The following PLCL1 variants were observed in gnomAD, a reference collection of about 807,000 sequenced individuals.
PLCL1 encodes inactive phospholipase C-like protein 1.
PLCL1 carries 41 observed loss-of-function variants against 84.4 expected under a neutral mutation model. The ratio of observed to expected loss-of-function variants is 0.49; its 90% confidence interval spans 0.38 to 0.63. PLCL1 has a LOEUF of 0.63. PLCL1 is among the 30% of genes least tolerant of loss of function. PLCL1 has a pLI of 0.00. For synonymous variants in PLCL1, 490 were observed against 488.3 expected (o/e 1.00, Z -0.05); for missense variants, 1,206 against 1,367.8 (o/e 0.88, Z 1.87).
intron 1 of PLCL1, among the ~76,000 whole-genome samples, chr2:197,815,705 G>A (rs1167995535): frequency 1.3e-5 from 2 of 152,088 alleles, no homozygotes; most frequent in Non-Finnish European, 2.9e-5. Flanking sequence ...ACATTAGCAG[G>A]AATTTGGAAG....
intron 5 of PLCL1, among the ~76,000 whole-genome samples, chr2:198,146,324 A>G (rs1559120548): frequency 6.6e-6 from 1 of 152,188 alleles, no homozygotes. Flanking sequence ...TACTTTACAG[A>G]AGACACTTTG....
chr2:197,864,167 C>G (rs540172723), intron 1 of PLCL1, among the ~76,000 whole-genome samples: 19 of 152,242 alleles, frequency 1.2e-4, no homozygotes, highest in African/African-American at 4.6e-4. Context: ...GACAATACCT[C>G]AATAAGGCAG....
intron 3 of PLCL1, 86 bp from the exon 4 acceptor site, chr2:198,101,199 C>T: frequency 1.3e-6 from 1 of 776,642 alleles, no homozygotes; most frequent in East Asian, 2.5e-5. Context: ...CTGGAGGTAT[C>T]ATGTGGGTCT....
intron 1 of PLCL1, among the ~76,000 whole-genome samples, chr2:197,970,951 A>G (rs1223619570): frequency 6.6e-6 from 1 of 152,236 alleles, no homozygotes; most frequent in African/African-American, 2.4e-5. Flanking sequence ...AATCTTTTTC[A>G]ATCATCAGAT....
chr2:198,090,952 G>A (rs771535024), intron 3 of PLCL1, among the ~76,000 whole-genome samples: 4 of 152,176 alleles, frequency 2.6e-5, no homozygotes, highest in Non-Finnish European at 5.9e-5. Flanking sequence ...AGCCAAGACT[G>A]AAATATTAGC....
At chr2:198,054,034 A>T (rs996408494) in intron 1 of PLCL1, among the ~76,000 whole-genome samples, 1 of 152,238 alleles carries the variant, frequency 6.6e-6, no homozygotes, top group Non-Finnish European at 1.5e-5. Context: ...CACTTATGTC[A>T]GATAAAAATA....
intron 1 of PLCL1, among the ~76,000 whole-genome samples, chr2:197,836,975 T>G (rs2105663754): frequency 6.6e-6 from 1 of 152,228 alleles, no homozygotes; most frequent in South Asian, 2.1e-4. Context: ...GCTGGGATTA[T>G]AGGTATGAGC....
chr2:198,121,563 G>C (rs562964417), intron 5 of PLCL1, among the ~76,000 whole-genome samples: 109 of 152,156 alleles, frequency 7.2e-4, no homozygotes, highest in African/African-American at 2.5e-3. Flanking sequence ...TGAAGAGACT[G>C]TCTCTTCCCC....
intron 1 of PLCL1, among the ~76,000 whole-genome samples, chr2:197,900,809 C>A (rs1476963493): frequency 6.6e-6 from 1 of 152,124 alleles, no homozygotes; most frequent in East Asian, 1.9e-4. Flanking sequence ...GCAGTAAAAT[C>A]TAAGGGCTTT....
At chr2:198,007,739 T>G (rs1690763448) in intron 1 of PLCL1, among the ~76,000 whole-genome samples, 1 of 152,172 alleles carries the variant, frequency 6.6e-6, no homozygotes, top group Non-Finnish European at 1.5e-5. Flanking sequence ...CATTAAGCAT[T>G]TGTTCAGATT....
intron 5 of PLCL1, among the ~76,000 whole-genome samples, chr2:198,128,767 T>C (rs1291919334): frequency 2.0e-5 from 3 of 152,206 alleles, no homozygotes; most frequent in African/African-American, 7.2e-5. Context: ...GATGTTATTG[T>C]TCTTGTTTTA....
intron 1 of PLCL1, among the ~76,000 whole-genome samples, chr2:197,912,906 C>A (rs1688514905): frequency 1.4e-5 from 2 of 145,236 alleles, no homozygotes; most frequent in African/African-American, 5.1e-5. Context: ...ACATATGTAA[C>A]TAACCTGCAC....
At chr2:197,984,829 C>A (rs1325978104) in intron 1 of PLCL1, among the ~76,000 whole-genome samples, 3 of 152,078 alleles carry the variant, frequency 2.0e-5, no homozygotes, top group Admixed American at 2.0e-4. Context: ...TGTTATAGCC[C>A]TAATTGAAAA....
intron 5 of PLCL1, among the ~76,000 whole-genome samples, chr2:198,117,626 G>A (rs952598815): frequency 1.3e-5 from 2 of 151,786 alleles, no homozygotes; most frequent in Middle Eastern, 3.2e-3. Context: ...TACCACACAT[G>A]TTGCAGGAAA....
At chr2:197,936,137 C>G (rs1204606233) in intron 1 of PLCL1, among the ~76,000 whole-genome samples, 1 of 146,456 alleles carries the variant, frequency 6.8e-6, no homozygotes, top group African/African-American at 2.5e-5. Context: ...AAACACCCCC[C>G]CCCTCACATT....
chr2:198,008,040 A>G (rs1690772355), intron 1 of PLCL1, among the ~76,000 whole-genome samples: 1 of 152,084 alleles, frequency 6.6e-6, no homozygotes, highest in African/African-American at 2.4e-5. Context: ...ACTACTCCCT[A>G]TTCCACGTTG....
intron 1 of PLCL1, among the ~76,000 whole-genome samples, chr2:198,046,529 A>G (rs1691797372): frequency 6.6e-6 from 1 of 152,224 alleles, no homozygotes; most frequent in South Asian, 2.1e-4. Flanking sequence ...TCGAGGGCTA[A>G]ATTGTATGAT....
intron 5 of PLCL1, among the ~76,000 whole-genome samples, chr2:198,139,828 T>C: frequency 6.6e-6 from 1 of 152,166 alleles, no homozygotes; most frequent in East Asian, 1.9e-4. Context: ...CCACCATTGT[T>C]TCCAAAGCAC....
At chr2:197,936,131 A>ACCCCCC (rs60500144) in intron 1 of PLCL1, among the ~76,000 whole-genome samples, 5 of 134,084 alleles carry the variant, frequency 3.7e-5, no homozygotes, top group Non-Finnish European at 6.5e-5. Context: ...TATATTAAAC[A>ACCCCCC]CCCCCCCCCT....
Sources: gnomAD v4.1 joint callset for allele counts (sites outside exome capture counted in the v4.1 genomes callset) on GRCh38, gnomAD v4.1.1 for gene constraint, MANE v1.5 for transcripts, NCBI Gene and HGNC (gene_info 2026-07-23, HGNC 2026-07-21) for gene names.